Variants in PCOLCE2 observed in about 807,000 individuals in gnomAD.
PCOLCE2 encodes the protein procollagen C-proteinase enhancer 2.
PCOLCE2 carries 42 observed loss-of-function variants against 47.0 expected under a neutral mutation model. That is an observed-to-expected ratio of 0.89 (90% CI 0.70 to 1.16). The LOEUF (loss-of-function observed/expected upper bound fraction) is 1.16, where lower values mean the gene tolerates loss of function less well. Among genes scored for constraint, PCOLCE2 ranks in the 50% most tolerant of loss-of-function variants. The pLI is 0.00. For missense variants in PCOLCE2, 500 were observed against 526.1 expected, an observed-to-expected ratio of 0.95 and a Z score of 0.49; for synonymous variants, 169 against 191.7, an observed-to-expected ratio of 0.88 and a Z score of 0.98.
intron 7 of PCOLCE2, among the ~76,000 whole-genome samples, chr3:142,822,170 G>C (rs998114350): frequency 6.6e-5 from 10 of 152,020 alleles, no homozygotes; most frequent in African/African-American, 2.2e-4. Flanking sequence ...ACCTGCCTCG[G>C]CCTCCAAAGT....
At chr3:142,885,360 G>C (rs955538875) in intron 2 of PCOLCE2, among the ~76,000 whole-genome samples, 1 of 152,156 alleles carries the variant, frequency 6.6e-6, no homozygotes, top group South Asian at 2.1e-4. Flanking sequence ...ATCTCCAGCG[G>C]CCTCTGTGAT....
chr3:142,843,156 A>C (rs1937284872), intron 3 of PCOLCE2, 108 bp from the exon 4 acceptor site: 6 of 1,081,062 alleles, frequency 5.6e-6, no homozygotes, highest in Non-Finnish European at 5.7e-6. Context: ...ACAGTAAATA[A>C]AGGCAACAGC....
At chr3:142,831,910 G>A (rs955492523) in intron 5 of PCOLCE2, among the ~76,000 whole-genome samples, 1 of 152,136 alleles carries the variant, frequency 6.6e-6, no homozygotes, top group African/African-American at 2.4e-5. Context: ...TGAGCTTTAG[G>A]ATAAATGTGA....
At chr3:142,827,396 A>G in intron 6 of PCOLCE2, 1 of 1,564,338 alleles carries the variant, frequency 6.4e-7, no homozygotes, top group Non-Finnish European at 8.8e-7. Flanking sequence ...GGCTGAGGAG[A>G]CAACCTTCTT....
At chr3:142,868,325 C>T (rs1308180439) in intron 2 of PCOLCE2, among the ~76,000 whole-genome samples, 1 of 152,152 alleles carries the variant, frequency 6.6e-6, no homozygotes, top group Non-Finnish European at 1.5e-5. Flanking sequence ...GAATGGACCC[C>T]TCGTCTTGGC....
At chr3:142,864,087 C>A (rs528310470) in intron 2 of PCOLCE2, 1 of 152,114 alleles carries the variant, frequency 6.6e-6, no homozygotes, top group Non-Finnish European at 1.5e-5. Context: ...GTCCAGACTG[C>A]GTGAAACTGG....
intron 2 of PCOLCE2, among the ~76,000 whole-genome samples, chr3:142,886,616 C>T (rs950509063): frequency 6.6e-6 from 1 of 152,160 alleles, no homozygotes; most frequent in Non-Finnish European, 1.5e-5. Flanking sequence ...TATCTGCCTG[C>T]AAAATGACCT....
chr3:142,827,163 C>A (rs1937089618), intron 6 of PCOLCE2: 4 of 1,430,002 alleles, frequency 2.8e-6, no homozygotes, highest in Non-Finnish European at 3.9e-6. Context: ...AGCAATGAGA[C>A]CCATTTTGCA....
At chr3:142,879,919 C>T (rs1409718102) in intron 2 of PCOLCE2, among the ~76,000 whole-genome samples, 7 of 144,082 alleles carry the variant, frequency 4.9e-5, no homozygotes, top group East Asian at 2.0e-4. Flanking sequence ...TGCAGTGAGC[C>T]GAGATCATGC....
chr3:142,843,106 A>G, intron 3 of PCOLCE2, 58 bp from the exon 4 acceptor site: 1 of 1,541,750 alleles, frequency 6.5e-7, no homozygotes, highest in South Asian at 1.1e-5. Flanking sequence ...CAGCAATACA[A>G]CCATGTGGAG....
At chr3:142,850,875 T>C (rs78161348) in intron 2 of PCOLCE2, among the ~76,000 whole-genome samples, 2 of 152,140 alleles carry the variant, frequency 1.3e-5, no homozygotes, top group Non-Finnish European at 2.9e-5. Context: ...CATGTTTGCA[T>C]GCTGATGGGA....
chr3:142,839,003 G>A (rs73232739), intron 4 of PCOLCE2, 97 bp from the exon 5 acceptor site: 72 of 922,856 alleles, frequency 7.8e-5, no homozygotes, highest in South Asian at 2.5e-4. Context: ...AGGATACTAC[G>A]ATTTTCCTTT....
At chr3:142,885,893 T>TCATTC (rs1320427111) in intron 2 of PCOLCE2, among the ~76,000 whole-genome samples, 4 of 152,202 alleles carry the variant, frequency 2.6e-5, no homozygotes, top group Non-Finnish European at 5.9e-5. Flanking sequence ...GTCCCCTTGC[T>TCATTC]CATTCCATTC....
intron 2 of PCOLCE2, among the ~76,000 whole-genome samples, chr3:142,879,699 G>C (rs369475817): frequency 3.9e-5 from 6 of 152,340 alleles, no homozygotes; most frequent in Admixed American, 6.5e-5. Context: ...GCCGGGCACG[G>C]TGGCTCACGC....
At chr3:142,847,292 C>T (rs1937337586) in intron 3 of PCOLCE2, among the ~76,000 whole-genome samples, 1 of 152,158 alleles carries the variant, frequency 6.6e-6, no homozygotes, top group Non-Finnish European at 1.5e-5. Context: ...TTTTGTGCCT[C>T]AATTCTGTAA....
chr3:142,879,482 A>C (rs1933562195), intron 2 of PCOLCE2, among the ~76,000 whole-genome samples: 1 of 152,368 alleles, frequency 6.6e-6, no homozygotes, highest in South Asian at 2.1e-4. Context: ...AAAAGCAGGC[A>C]GAAAGCTAAA....
chr3:142,882,095 T>C (rs1354414123), intron 2 of PCOLCE2, among the ~76,000 whole-genome samples: 1 of 151,884 alleles, frequency 6.6e-6, no homozygotes, highest in East Asian at 1.9e-4. Flanking sequence ...AGTGGCACAA[T>C]CATAGCTCAC....
chr3:142,879,741 G>C (rs1454653731), intron 2 of PCOLCE2, among the ~76,000 whole-genome samples: 1 of 152,160 alleles, frequency 6.6e-6, no homozygotes, highest in East Asian at 1.9e-4. Flanking sequence ...AGGCCGAGGA[G>C]GGCGGATCAC....
In PCOLCE2 at chr3:142,884,858, A is replaced by G. The variant is rs145540603; in HGVS notation, c.192+2811T>C. 3.2e-3 allele frequency among the ~76,000 whole-genome samples: 480 copies of G among 152,342 alleles called. 3 individuals are homozygous for G. The highest frequency in any genetic ancestry group is 0.011 in the African/African-American group (458 of 41,588). On this transcript the variant is annotated intron_variant, in intron 2 of 8. Transcript: ENST00000295992. Reference sequence around the variant, plus strand: ...CACAAGAAAAATTGTGATGACAGAAATACTATATTACATATTGTCCAGTAA... The same window carrying G: ...CACAAGAAAAATTGTGATGACAGAAGTACTATATTACATATTGTCCAGTAA...
Sources: gnomAD v4.1 joint callset for allele counts (sites outside exome capture counted in the v4.1 genomes callset) on GRCh38, gnomAD v4.1.1 for gene constraint, MANE v1.5 for transcripts, NCBI Gene and HGNC (gene_info 2026-07-23, HGNC 2026-07-21) for gene names.